The following ATP9B variants were observed in gnomAD, a reference collection of about 807,000 sequenced individuals.
ATP9B encodes the protein probable phospholipid-transporting ATPase IIB.
In ATP9B, 110 loss-of-function variants were observed where a neutral mutation model predicts 146.1. The observed-to-expected ratio is 0.75, with a 90% CI of 0.65 to 0.88. The LOEUF (loss-of-function observed/expected upper bound fraction) is 0.88, where lower values mean the gene tolerates loss of function less well. Ranked by LOEUF, ATP9B falls within the 40% of genes least tolerant of loss-of-function variation. ATP9B has a pLI of 0.00. For synonymous variants in ATP9B, 604 were observed against 569.7 expected, an observed-to-expected ratio of 1.06 and a Z score of -0.86; for missense variants, 1,499 against 1,496.4, an observed-to-expected ratio of 1.00 and a Z score of -0.03.
chr18:79,302,070 C>T (rs187964580), intron 13 of ATP9B, among the ~76,000 whole-genome samples: 7 of 152,212 alleles, frequency 4.6e-5, no homozygotes, highest in African/African-American at 7.2e-5. Flanking sequence ...TATTCCAGTA[C>T]CATGTGTGCC....
intron 1 of ATP9B, among the ~76,000 whole-genome samples, chr18:79,095,467 G>T (rs2074708046): frequency 1.3e-5 from 2 of 152,160 alleles, no homozygotes; most frequent in South Asian, 4.2e-4. Context: ...TGGCTTTGTT[G>T]GTTTGGAATA....
At chr18:79,156,391 G>T (rs1444755631) in intron 7 of ATP9B, among the ~76,000 whole-genome samples, 3 of 152,152 alleles carry the variant, frequency 2.0e-5, no homozygotes, top group Non-Finnish European at 4.4e-5. Flanking sequence ...AACCTCTCCT[G>T]CAGGCACCTG....
At chr18:79,188,201 G>A (rs1184052656) in intron 8 of ATP9B, among the ~76,000 whole-genome samples, 2 of 152,172 alleles carry the variant, frequency 1.3e-5, no homozygotes, top group East Asian at 1.9e-4. Context: ...AGAAATATGA[G>A]AGGATGTTAC....
At chr18:79,348,626 T>C (rs192637806) in intron 25 of ATP9B, among the ~76,000 whole-genome samples, 38 of 152,366 alleles carry the variant, frequency 2.5e-4, no homozygotes, top group African/African-American at 9.1e-4. Flanking sequence ...GTGGCATGCT[T>C]CGAAGCAAAC....
chr18:79,094,054 C>A (rs1415826788), intron 1 of ATP9B, among the ~76,000 whole-genome samples: 3 of 152,182 alleles, frequency 2.0e-5, no homozygotes, highest in African/African-American at 7.2e-5. Context: ...AATGTTTTAA[C>A]AGTGCATTGA....
intron 1 of ATP9B, among the ~76,000 whole-genome samples, chr18:79,071,679 T>C (rs1176977277): frequency 6.6e-6 from 1 of 152,080 alleles, no homozygotes; most frequent in East Asian, 1.9e-4. Flanking sequence ...CTGCCATTCT[T>C]TTCTTAGCAC....
intron 2 of ATP9B, among the ~76,000 whole-genome samples, chr18:79,105,013 T>A (rs935193915): frequency 1.3e-5 from 2 of 152,226 alleles, no homozygotes; most frequent in Non-Finnish European, 2.9e-5. Flanking sequence ...TGAGCCATCT[T>A]GGCAGGCTGT....
At chr18:79,162,732 T>C (rs180806668) in intron 7 of ATP9B, among the ~76,000 whole-genome samples, 1 of 152,360 alleles carries the variant, frequency 6.6e-6, no homozygotes, top group Admixed American at 6.5e-5. Flanking sequence ...GACAATCTGG[T>C]ATTATAAATG....
chr18:79,349,926 C>CA (rs2096913483), intron 25 of ATP9B, among the ~76,000 whole-genome samples: 1 of 150,560 alleles, frequency 6.6e-6, no homozygotes, highest in Non-Finnish European at 1.5e-5. Context: ...TTCACACCCC[C>CA]AGGCTGCGCA....
In ATP9B at chr18:79,288,037, C is replaced by T. The variant is rs374255120; in HGVS notation, c.1411+10841C>T. Among the ~76,000 whole-genome samples, 4 of 151,720 alleles carry T rather than the reference C, an allele frequency of 2.6e-5. No individual in the cohort carries two copies. The South Asian group carries it at 8.4e-4, about 32-fold the overall frequency. On this transcript the variant is annotated intron_variant, in intron 13 of 29. Coordinates refer to ENST00000426216, the MANE Select transcript of ATP9B (RefSeq NM_198531.5). ...TTGCTGAGGAGAGCTTTACTTCCAA[C>T]TATGTGGTCAATTTTGGAATAGGTG...
chr18:79,216,304 A>G (rs187670860), intron 11 of ATP9B, among the ~76,000 whole-genome samples: 52 of 152,136 alleles, frequency 3.4e-4, no homozygotes, highest in Non-Finnish European at 6.2e-4. Context: ...TTTTGCAAGC[A>G]TGGTTTGGAA....
intron 20 of ATP9B, among the ~76,000 whole-genome samples, 161 bp downstream of exon 20, chr18:79,342,527 T>C (rs898625814): frequency 1.3e-5 from 2 of 152,132 alleles, no homozygotes; most frequent in African/African-American, 2.4e-5. Flanking sequence ...GCATGGCACA[T>C]GTATACGTAT....
intron 8 of ATP9B, among the ~76,000 whole-genome samples, chr18:79,187,516 A>G (rs1600272851): frequency 6.6e-6 from 1 of 152,326 alleles, no homozygotes; most frequent in Middle Eastern, 3.4e-3. Flanking sequence ...TTAAGTGAGA[A>G]CCACCTACAC....
At chr18:79,182,784 A>C (rs1412710752) in intron 8 of ATP9B, among the ~76,000 whole-genome samples, 2 of 152,240 alleles carry the variant, frequency 1.3e-5, no homozygotes, top group African/African-American at 4.8e-5. Context: ...TTATTTGTTT[A>C]TTGAGAATTT....
intron 6 of ATP9B, among the ~76,000 whole-genome samples, chr18:79,149,360 G>A (rs1234231261): frequency 6.6e-6 from 1 of 151,916 alleles, no homozygotes; most frequent in Non-Finnish European, 1.5e-5. Context: ...ATTAGACAAA[G>A]GTGTGAAAAC....
intron 9 of ATP9B, among the ~76,000 whole-genome samples, chr18:79,200,236 A>T (rs563793924): frequency 1.4e-4 from 22 of 152,220 alleles, no homozygotes; most frequent in African/African-American, 2.9e-4. Flanking sequence ...TTATACTTTG[A>T]TGGGGCTACT....
chr18:79,219,834 A>T (rs114288539), intron 11 of ATP9B, among the ~76,000 whole-genome samples: 422 of 152,316 alleles, frequency 2.8e-3, no homozygotes, highest in African/African-American at 9.9e-3. Flanking sequence ...AATCACAACA[A>T]CACTTTCGGT....
chr18:79,364,282 A>G (rs1466669320), intron 26 of ATP9B: 1 of 147,900 alleles, frequency 6.8e-6, no homozygotes, highest in African/African-American at 2.6e-5. Context: ...AAAAAAAAAG[A>G]AAAGAAAAAA....
chr18:79,106,869 T>C (rs1254830824), intron 2 of ATP9B, among the ~76,000 whole-genome samples: 1 of 152,208 alleles, frequency 6.6e-6, no homozygotes. Context: ...TGTGCTGCTG[T>C]TTACAGTGCT....
Sources: gnomAD v4.1 joint callset for allele counts (sites outside exome capture counted in the v4.1 genomes callset) on GRCh38, gnomAD v4.1.1 for gene constraint, MANE v1.5 for transcripts, NCBI Gene and HGNC (gene_info 2026-07-23, HGNC 2026-07-21) for gene names.